CYP4X1: variants seen among roughly 807,000 people sequenced by gnomAD.
CYP4X1 encodes cytochrome P450 4X1.
In CYP4X1, 44 loss-of-function variants were observed where a neutral mutation model predicts 57.9. The ratio of observed to expected loss-of-function variants is 0.76; its 90% CI spans 0.60 to 0.98. The LOEUF is 0.98. Among genes scored for constraint, CYP4X1 ranks in the 50% least tolerant of loss-of-function variants. The pLI, the probability that CYP4X1 is intolerant of heterozygous loss-of-function variation, is 0.00. For synonymous variants in CYP4X1, 227 were observed against 228.6 expected, an observed-to-expected ratio of 0.99 and a Z score of 0.06; for missense variants, 532 against 623.9, an observed-to-expected ratio of 0.85 and a Z score of 1.57.
chr1:46,995,563 A>C, the CYP4X1 span, among the ~76,000 whole-genome samples: 1 of 152,126 alleles, frequency 6.6e-6, no homozygotes, highest in South Asian at 2.1e-4. Context: ...ATCAAATTCA[A>C]TGTCCAGAGT....
At chr1:47,041,288 A>G (rs901634212) in intron 8 of CYP4X1, among the ~76,000 whole-genome samples, 10 of 152,068 alleles carry the variant, frequency 6.6e-5, no homozygotes, top group African/African-American at 2.4e-4. Flanking sequence ...CACTGATTTC[A>G]TTTCGTTTGG....
At chr1:46,961,609 G>T in the CYP4X1 span, 1 of 1,285,432 alleles carries the variant, frequency 7.8e-7, no homozygotes, top group African/African-American at 1.5e-5. Flanking sequence ...GCCTGGACCT[G>T]TGTCCTATGC....
chr1:47,006,375 A>G, the CYP4X1 span, among the ~76,000 whole-genome samples: 1 of 152,222 alleles, frequency 6.6e-6, no homozygotes, highest in South Asian at 2.1e-4. Flanking sequence ...TCTGTATACA[A>G]AATGTCCCAG....
At chr1:47,032,760 T>C (rs1302104509) in intron 3 of CYP4X1, among the ~76,000 whole-genome samples, 1 of 152,150 alleles carries the variant, frequency 6.6e-6, no homozygotes, top group Non-Finnish European at 1.5e-5. Context: ...AGTTTATGGA[T>C]TGGTTTGGAG....
chr1:47,053,529 C>A (rs1341187783), downstream of CYP4X1, among the ~76,000 whole-genome samples: 22 of 152,184 alleles, frequency 1.4e-4, no homozygotes, highest in Admixed American at 1.2e-3. Context: ...TTTACCCTCC[C>A]ACCAACAGTG....
chr1:47,006,680 A>G, the CYP4X1 span, among the ~76,000 whole-genome samples: 1 of 152,192 alleles, frequency 6.6e-6, no homozygotes, highest in African/African-American at 2.4e-5. Context: ...TCCCTTTCAT[A>G]GTCAAAGAAA....
chr1:47,030,048 C>G lies in CYP4X1; in HGVS notation c.236C>G (p.Ala79Gly). 6.2e-7 allele frequency: 1 copy of G among 1,614,088 alleles called. No homozygotes were observed. ...LEEIIEKYPR[A>G]FPFWIGPFQA... ...GAAATTATTGAAAAATACCCTCGTG[C>G]CTTCCCTTTCTGGATTGGGCCCTTT... Residue 79 changes from alanine to glycine, a missense_variant, in exon 2 of 12, where the codon GCC (alanine) becomes GGC (glycine). By Grantham distance (60) the Ala-to-Gly change is moderately conservative (BLOSUM62 0). Coordinates refer to ENST00000371901, the MANE Select transcript of CYP4X1 (RefSeq NM_178033.2).
downstream of CYP4X1, chr1:47,050,791 A>G (rs747730992): frequency 6.6e-6 from 1 of 152,128 alleles, no homozygotes; most frequent in Non-Finnish European, 1.5e-5. Context: ...ATGTACTATA[A>G]TTTATTTAAC....
the CYP4X1 span, among the ~76,000 whole-genome samples, chr1:46,986,492 T>G: frequency 6.6e-5 from 10 of 152,094 alleles, no homozygotes; most frequent in African/African-American, 2.2e-4. Context: ...TTCCCCAACC[T>G]AGCAAGACAG....
At chr1:47,032,784 A>T (rs956773966) in intron 3 of CYP4X1, among the ~76,000 whole-genome samples, 16 of 152,132 alleles carry the variant, frequency 1.1e-4, no homozygotes, top group African/African-American at 3.9e-4. Flanking sequence ...AAAGGAATTC[A>T]CTTGCTCTGT....
chr1:47,028,180 G>T (rs571380072), intron 1 of CYP4X1, among the ~76,000 whole-genome samples: 3 of 152,172 alleles, frequency 2.0e-5, no homozygotes, highest in Admixed American at 6.5e-5. Flanking sequence ...GTGTGTATGT[G>T]TGTGTGCATC....
rs17102983 is a variant in CYP4X1, at chr1:47,045,846, A to G, written c.1074-621A>G. On this transcript the variant is annotated intron_variant, in intron 8 of 11. Coordinates refer to ENST00000371901, the MANE Select transcript of CYP4X1 (RefSeq NM_178033.2). ...TTGTCCTTAGGCAGACTCTTTTTCA[A>G]GCTGGTCCCAGAGCTTTCCCTCTTG... Among the ~76,000 whole-genome samples the G allele has an allele frequency of 9.4e-3, 1,434 of 152,270 alleles. 11 individuals are homozygous for G. The highest frequency in any genetic ancestry group is 0.032 in the African/African-American group (1,340 of 41,548).
upstream of CYP4X1, among the ~76,000 whole-genome samples, chr1:47,020,689 G>C (rs1184569313): frequency 6.6e-6 from 1 of 152,188 alleles, no homozygotes; most frequent in Non-Finnish European, 1.5e-5. Flanking sequence ...TTGGTGGGCT[G>C]CAATGCTATC....
chr1:47,033,384 A>C lies in CYP4X1; in HGVS notation c.492+16A>C, dbSNP rs764804211. 1 of 1,613,426 alleles carries C rather than the reference A, an allele frequency of 6.2e-7. No individual in the cohort carries two copies. The highest frequency in any genetic ancestry group is 1.3e-5 in the African/African-American group (1 of 74,996). The stretch of plus-strand genomic sequence containing the variant: ...AATGATGCTGGTAAGTAAAGGGGGA[A>C]AGTGCTCTGTGCATTGCGAAATGCT... On this transcript the variant is annotated intron_variant, in intron 4 of 11. Coordinates refer to ENST00000371901, the MANE Select transcript of CYP4X1 (RefSeq NM_178033.2).
At chr1:46,965,092 G>A in the CYP4X1 span, among the ~76,000 whole-genome samples, 2 of 152,220 alleles carry the variant, frequency 1.3e-5, no homozygotes, top group Non-Finnish European at 1.5e-5. Context: ...TCAGAAAAGT[G>A]CAGTATTAGG....
upstream of CYP4X1, chr1:47,023,663 C>T: frequency 1.4e-6 from 2 of 1,417,402 alleles, no homozygotes; most frequent in African/African-American, 1.5e-5. Context: ...CTGAGCTGCC[C>T]CTCCCACTGC....
chr1:47,007,242 G>A, the CYP4X1 span, among the ~76,000 whole-genome samples: 2 of 152,266 alleles, frequency 1.3e-5, no homozygotes, highest in African/African-American at 4.8e-5. Context: ...CCAGGCAAAC[G>A]ATCCGGCAGC....
the CYP4X1 span, among the ~76,000 whole-genome samples, chr1:46,979,960 T>C: frequency 6.6e-6 from 1 of 152,114 alleles, no homozygotes; most frequent in Non-Finnish European, 1.5e-5. Context: ...ATAAATTAGG[T>C]ATTGATGGAA....
chr1:46,984,059 C>T, the CYP4X1 span, among the ~76,000 whole-genome samples: 1 of 150,252 alleles, frequency 6.7e-6, no homozygotes, highest in African/African-American at 2.5e-5. Context: ...TGGGCCTGAG[C>T]AGCAGCTCTG....
Sources: gnomAD v4.1 joint callset for allele counts (sites outside exome capture counted in the v4.1 genomes callset) on GRCh38, gnomAD v4.1.1 for gene constraint, MANE v1.5 for transcripts, NCBI Gene and HGNC (gene_info 2026-07-23, HGNC 2026-07-21) for gene names.